FIGN: variants seen among roughly 807,000 people sequenced by gnomAD.
FIGN encodes fidgetin, microtubule severing factor, also known as fidgetin.
FIGN carries 11 observed loss-of-function variants against 51.3 expected under a neutral mutation model. The observed-to-expected ratio is 0.21, with a 90% CI of 0.13 to 0.35. The LOEUF is 0.35. Among genes scored for constraint, FIGN ranks in the 10% least tolerant of loss-of-function variants. The pLI is 1.00. For missense variants in FIGN, 857 were observed against 943.6 expected (o/e 0.91, Z 1.20); for synonymous variants, 407 against 363.2 (o/e 1.12, Z -1.37).
rs565590854 is a variant in FIGN at position 163,699,328 on chromosome 2, C to T, written c.25+35575G>A. On this transcript the variant is annotated intron_variant, in intron 2 of 2. Transcript: ENST00000333129. ...GGTAGCTTTCAAAAAGCACAAAAAG[C>T]AAAACTGCCATTTTATACTGATTTT... Among the ~76,000 whole-genome samples the T allele has an allele frequency of 2.2e-4, 34 of 152,070 alleles. No individual in the cohort carries two copies. In the South Asian group the frequency reaches 2.9e-3, roughly 13 times the overall value.
At chr2:163,685,787 G>A (rs1229866704) in intron 2 of FIGN, among the ~76,000 whole-genome samples, 2 of 152,182 alleles carry the variant, frequency 1.3e-5, no homozygotes, top group East Asian at 3.8e-4. Context: ...GCCAAACCCA[G>A]GTGTGCTCGC....
At chr2:163,720,988 A>C (rs1216930157) in intron 2 of FIGN, among the ~76,000 whole-genome samples, 1 of 152,102 alleles carries the variant, frequency 6.6e-6, no homozygotes, top group East Asian at 1.9e-4. Flanking sequence ...ATAAATAAGT[A>C]AATAAAAAGA....
chr2:163,633,701 C>T (rs928912404), intron 2 of FIGN, among the ~76,000 whole-genome samples: 1 of 152,164 alleles, frequency 6.6e-6, no homozygotes, highest in Non-Finnish European at 1.5e-5. Context: ...GTAAAATTTT[C>T]TTCTGACCTC....
At chr2:163,640,712 T>C (rs1257281641) in intron 2 of FIGN, among the ~76,000 whole-genome samples, 1 of 152,066 alleles carries the variant, frequency 6.6e-6, no homozygotes, top group African/African-American at 2.4e-5. Context: ...CTTTGAACTA[T>C]ATTTAGCTAC....
At chr2:163,723,489 C>T (rs16848859) in intron 2 of FIGN, among the ~76,000 whole-genome samples, 5,332 of 152,104 alleles carry the variant, frequency 0.035, 193 homozygotes, top group African/African-American at 0.09. Flanking sequence ...ATTAAGTAGA[C>T]GTCGAAATCA....
intron 2 of FIGN, among the ~76,000 whole-genome samples, chr2:163,686,807 T>TA (rs1403120856): frequency 6.7e-6 from 1 of 149,770 alleles, no homozygotes; most frequent in Non-Finnish European, 1.5e-5. Context: ...TATATATATA[T>TA]TCTTTTTAAA....
chr2:163,675,444 T>G (rs1344533507), intron 2 of FIGN, among the ~76,000 whole-genome samples: 1 of 152,190 alleles, frequency 6.6e-6, no homozygotes, highest in Non-Finnish European at 1.5e-5. Flanking sequence ...ACAGCATCAC[T>G]GGGGAAACTG....
Position 163,610,067 on chromosome 2 carries a change from T to C in FIGN, c.1765A>G (p.Met589Val), listed in dbSNP as rs1234326843. ...TCATTCACTTGAGAGGAGAGAAGCA[T>C]GTCAATGTCACTAACAAAAATCACC... ...PSVIFVSDID[M>V]LLSSQVNEEH... is the part of the protein sequence containing the mutation. Residue 589 changes from methionine to valine, a missense_variant, in exon 3 of 3, where the codon ATG becomes GTG. Met to Val is a conservative substitution (Grantham distance 21, BLOSUM62 1). Around this residue, in one of 3 missense-constraint regions of FIGN, gnomAD observed 799 missense variants for 849.5 expected, o/e 0.94. Transcript: ENST00000333129. 4.3e-6 allele frequency: 7 copies of C among 1,613,986 alleles called. No individual in the cohort carries two copies. In the South Asian group the frequency reaches 6.6e-5, roughly 15 times the overall value.
intron 2 of FIGN, 112 bp from the exon 3 acceptor site, chr2:163,611,918 A>T: frequency 2.1e-6 from 1 of 482,558 alleles, no homozygotes. Context: ...TGATATGCAT[A>T]CTTTAAAAGA....
In FIGN at chr2:163,609,698, C is replaced by G; in HGVS notation, c.2134G>C (p.Asp712His). The G allele has an allele frequency of 6.2e-7, 1 of 1,614,100 alleles. No individual in the cohort carries two copies. Among genetic ancestry groups the G allele is most frequent in the Non-Finnish European group, 8.5e-7 (1 of 1,180,012 alleles). The stretch of plus-strand genomic sequence containing the variant: ...TGGCTGGGCATAATGGCTGAAAGGT[C>G]TGTGGCTGGCATGGCATGGAGGGGG... ...VGPLHAMPATDLSAIMPSQLR... is the reference protein window; with the variant it reads ...VGPLHAMPATHLSAIMPSQLR... Residue 712 changes from aspartate (D) to histidine (H), a missense_variant, in exon 3 of 3, where the codon GAC becomes CAC. Physicochemically the swap from Asp to His is moderately conservative, Grantham distance 81 (BLOSUM62 -1). This residue lies in a region of FIGN where 799 missense variants were observed against 849.5 expected (regional missense o/e 0.94). Transcript: ENST00000333129.
At chr2:163,711,657 C>CAAA (rs35141137) in intron 2 of FIGN, among the ~76,000 whole-genome samples, 112 of 133,366 alleles carry the variant, frequency 8.4e-4, no homozygotes, top group African/African-American at 2.2e-3. Context: ...ATTGTTTCTA[C>CAAA]AAAAAAAAAA....
intron 2 of FIGN, among the ~76,000 whole-genome samples, chr2:163,680,718 C>A (rs1220416909): frequency 6.6e-6 from 1 of 152,026 alleles, no homozygotes; most frequent in Non-Finnish European, 1.5e-5. Flanking sequence ...CAATCTTCCC[C>A]CTCCCCAGAG....
Position 163,610,790 on chromosome 2 carries a change from T to G in FIGN, c.1042A>C (p.Met348Leu), listed in dbSNP as rs759057543. The G allele has an allele frequency of 1.2e-6, 2 of 1,614,182 alleles. No individual in the cohort carries two copies. The highest frequency in any genetic ancestry group is 2.7e-5 in the African/African-American group (2 of 75,052). ...ATGCTGTTGTCGGGCATTCTGTACA[T>G]AGGACTCTGTGTAGATCTCTGTTGG... ...YGQQRSTQSP[M>L]YRMPDNSISN... The change falls in exon 3 of 3, where the codon ATG (methionine) becomes CTG (leucine). Residue 348 changes from methionine to leucine, a missense_variant. Transcript: ENST00000333129.
chr2:163,609,698 C>T lies in FIGN; in HGVS notation c.2134G>A (p.Asp712Asn), dbSNP rs765219309. ...VGPLHAMPAT[D>N]LSAIMPSQLR... ...TGGCTGGGCATAATGGCTGAAAGGTCTGTGGCTGGCATGGCATGGAGGGGG... is the reference window on the plus strand; with the variant it reads ...TGGCTGGGCATAATGGCTGAAAGGTTTGTGGCTGGCATGGCATGGAGGGGG... The change falls in exon 3 of 3, where the codon GAC becomes AAC. Residue 712 changes from aspartate (D) to asparagine (N), a missense_variant. Transcript: ENST00000333129. 5 of 1,614,100 alleles carry T rather than the reference C, an allele frequency of 3.1e-6. No individual in the cohort carries two copies. The highest frequency in any genetic ancestry group is 1.3e-5 in the African/African-American group (1 of 75,040).
intron 2 of FIGN, among the ~76,000 whole-genome samples, chr2:163,701,754 T>A (rs1021015187): frequency 6.6e-6 from 1 of 152,276 alleles, no homozygotes; most frequent in African/African-American, 2.4e-5. Context: ...GTTACAAATG[T>A]CCCCATTTTT....
chr2:163,706,325 G>T (rs189546213), intron 2 of FIGN, among the ~76,000 whole-genome samples: 232 of 152,088 alleles, frequency 1.5e-3, no homozygotes, highest in African/African-American at 5.5e-3. Flanking sequence ...TACCTGAAAA[G>T]AAATACCTTG....
chr2:163,735,299 T>C (rs1416039034), intron 1 of FIGN, among the ~76,000 whole-genome samples: 3 of 151,684 alleles, frequency 2.0e-5, no homozygotes, highest in Admixed American at 2.0e-4. Flanking sequence ...TTGCCAACAA[T>C]ACGCCCACCA....
rs118102018 is a variant in FIGN, at chr2:163,624,119, C to G, written c.26-12313G>C. On this transcript the variant is annotated intron_variant, in intron 2 of 2. Coordinates refer to ENST00000333129, the MANE Select transcript of FIGN (RefSeq NM_018086.4). Reference sequence around the variant, plus strand: ...TAAATAACACACCTTTTAAAAATATCAAAATCAAGTTTGGCATCTAATGAA... The same window carrying G: ...TAAATAACACACCTTTTAAAAATATGAAAATCAAGTTTGGCATCTAATGAA... Among the ~76,000 whole-genome samples, 351 of 151,868 alleles carry G rather than the reference C, an allele frequency of 2.3e-3. 8 individuals carry two copies. The East Asian group carries it at 0.04, about 17-fold the overall frequency.
At chr2:163,669,571 C>T (rs1005868989) in intron 2 of FIGN, among the ~76,000 whole-genome samples, 5 of 152,038 alleles carry the variant, frequency 3.3e-5, no homozygotes, top group African/African-American at 1.2e-4. Context: ...AGAAAGGAAA[C>T]CATTTAAAAA....
Sources: gnomAD v4.1 joint callset for allele counts (sites outside exome capture counted in the v4.1 genomes callset) on GRCh38, gnomAD v4.1.1 for gene constraint, gnomAD v4.1.1 regional missense constraint, MANE v1.5 for transcripts, NCBI Gene and HGNC (gene_info 2026-07-23, HGNC 2026-07-21) for gene names.